Variants in NCOA1 observed in about 807,000 individuals in gnomAD.
The protein encoded by NCOA1 is nuclear receptor coactivator 1, also known as Hin-2 protein.
NCOA1 carries 35 observed loss-of-function variants against 150.9 expected under a neutral mutation model. The ratio of observed to expected loss-of-function variants is 0.23; its 90% CI spans 0.18 to 0.31. NCOA1 has a LOEUF of 0.31. NCOA1 is among the 10% of genes least tolerant of loss of function. The pLI, the probability that NCOA1 is intolerant of heterozygous loss-of-function variation, is 1.00. For missense variants in NCOA1, 1,491 were observed against 1,749.3 expected (o/e 0.85, Z 2.63); for synonymous variants, 590 against 630.0 (o/e 0.94, Z 0.95).
chr2:24,573,655 A>G (rs1666829689), intron 2 of NCOA1, among the ~76,000 whole-genome samples: 3 of 152,140 alleles, frequency 2.0e-5, no homozygotes, highest in Admixed American at 2.0e-4. Flanking sequence ...TAAAAAATCA[A>G]TTTTAGATTA....
At chr2:24,725,001 C>G (rs937441167) in intron 14 of NCOA1, among the ~76,000 whole-genome samples, 5 of 151,916 alleles carry the variant, frequency 3.3e-5, no homozygotes, top group Non-Finnish European at 7.4e-5. Context: ...TAATCGAAAG[C>G]TGTAATTATA....
chr2:24,566,243 C>T (rs144828814), intron 2 of NCOA1, among the ~76,000 whole-genome samples: 97 of 152,208 alleles, frequency 6.4e-4, no homozygotes, highest in African/African-American at 2.3e-3. Context: ...CAGGGTGTCC[C>T]GATGAGTGCT....
chr2:24,538,295 A>C (rs996133883), intron 1 of NCOA1, among the ~76,000 whole-genome samples: 1 of 152,226 alleles, frequency 6.6e-6, no homozygotes, highest in African/African-American at 2.4e-5. Flanking sequence ...ATGCTCATAG[A>C]CTAAAATTGA....
chr2:24,521,976 C>A (rs1664434314), intron 1 of NCOA1, among the ~76,000 whole-genome samples: 1 of 152,210 alleles, frequency 6.6e-6, no homozygotes, highest in African/African-American at 2.4e-5. Flanking sequence ...ACTCCAATCC[C>A]CTTCCTTCCC....
chr2:24,647,528 TATTC>T (rs1197627079), intron 4 of NCOA1, among the ~76,000 whole-genome samples: 2 of 152,214 alleles, frequency 1.3e-5, no homozygotes, highest in Non-Finnish European at 2.9e-5. Context: ...TAAGTGTTAG[TATTC>T]ATTATCATCA....
chr2:24,546,242 C>T (rs1425727870), intron 1 of NCOA1, among the ~76,000 whole-genome samples: 1 of 151,334 alleles, frequency 6.6e-6, no homozygotes, highest in African/African-American at 2.4e-5. Context: ...GCAAAAAATC[C>T]ACATCAGATA....
chr2:24,670,656 A>G (rs964655054), intron 6 of NCOA1, among the ~76,000 whole-genome samples: 2 of 152,192 alleles, frequency 1.3e-5, no homozygotes, highest in African/African-American at 4.8e-5. Flanking sequence ...AAATTGGTAG[A>G]TGCCTCAGAC....
chr2:24,665,523 T>C (rs965770122), intron 5 of NCOA1, among the ~76,000 whole-genome samples: 3 of 152,222 alleles, frequency 2.0e-5, no homozygotes, highest in African/African-American at 7.2e-5. Context: ...AATACATCTG[T>C]TATAGCAGTC....
At chr2:24,495,939 A>G (rs1018705621) in intron 1 of NCOA1, among the ~76,000 whole-genome samples, 1 of 152,216 alleles carries the variant, frequency 6.6e-6, no homozygotes, top group Admixed American at 6.5e-5. Flanking sequence ...TCATTAGCGA[A>G]TTCATCACCA....
chr2:24,540,459 G>A (rs1665339762), intron 1 of NCOA1, among the ~76,000 whole-genome samples: 1 of 148,316 alleles, frequency 6.7e-6, no homozygotes, highest in African/African-American at 2.5e-5. Context: ...GGGAGAACTG[G>A]CTTTTTTTTT....
At chr2:24,530,401 A>G (rs1325307880) in intron 1 of NCOA1, among the ~76,000 whole-genome samples, 1 of 152,234 alleles carries the variant, frequency 6.6e-6, no homozygotes, top group Non-Finnish European at 1.5e-5. Flanking sequence ...TGATGAGTGG[A>G]AAAACCTATT....
chr2:24,769,836 C>T lies in NCOA1; in HGVS notation c.*1445C>T, dbSNP rs1446244829. The stretch of plus-strand genomic sequence containing the variant: ...TATTGTGGAAGAAGCAAAGGTAGAC[C>T]CCCATCACTCACCTTTGTCTGCATC... On this transcript the variant is annotated 3_prime_UTR_variant, in exon 23 of 23. Transcript: ENST00000348332. 1 of 223,506 alleles carries T rather than the reference C, an allele frequency of 4.5e-6. No individual in the cohort carries two copies. The highest frequency in any genetic ancestry group is 2.2e-5 in the African/African-American group (1 of 44,742). 13.8% of individuals were successfully genotyped at this position (223,506 alleles called of 1,614,324 possible). A position where few individuals can be genotyped will look rare whatever the true frequency, so the allele number is the denominator to read the frequency against.
chr2:24,576,174 T>TTGTTTTTGTTTTTG (rs1558806632), intron 2 of NCOA1, among the ~76,000 whole-genome samples: 4 of 41,488 alleles, frequency 9.6e-5, no homozygotes, highest in African/African-American at 2.3e-4. Flanking sequence ...TTTTTTGTTT[T>TTGTTTTTGTTTTTG]TTTTTTTTTT....
chr2:24,628,595 TAAATA>T (rs1352283103), intron 3 of NCOA1, among the ~76,000 whole-genome samples: 2 of 152,148 alleles, frequency 1.3e-5, no homozygotes, highest in African/African-American at 4.8e-5. Context: ...AACAAATATG[TAAATA>T]AAATAGTGGA....
intron 3 of NCOA1, among the ~76,000 whole-genome samples, chr2:24,627,121 G>GTTTTTTTTTTTTTTTTT (rs33949925): frequency 8.7e-6 from 1 of 115,160 alleles, no homozygotes; most frequent in Admixed American, 9.4e-5. Context: ...GTTTTTTGCT[G>GTTTTTTTTTTTTTTTTT]TTTTTTTTTT....
At chr2:24,674,117 G>T (rs1558893441) in intron 7 of NCOA1, among the ~76,000 whole-genome samples, 2 of 89,388 alleles carry the variant, frequency 2.2e-5, no homozygotes, top group South Asian at 8.7e-4. Flanking sequence ...AAAGACATAT[G>T]TATGTATGTG....
At chr2:24,662,161 A>G (rs1671213311) in intron 5 of NCOA1, among the ~76,000 whole-genome samples, 2 of 152,184 alleles carry the variant, frequency 1.3e-5, no homozygotes, top group South Asian at 4.1e-4. Context: ...GAATTCTTTA[A>G]TCATAAAGAG....
intron 3 of NCOA1, among the ~76,000 whole-genome samples, chr2:24,641,942 T>C (rs925201760): frequency 7.9e-5 from 12 of 152,062 alleles, no homozygotes; most frequent in Non-Finnish European, 1.8e-4. Flanking sequence ...TAATACTATT[T>C]CTGCCCCAGT....
intron 3 of NCOA1, among the ~76,000 whole-genome samples, chr2:24,620,877 C>T (rs1359663687): frequency 6.6e-6 from 1 of 151,974 alleles, no homozygotes; most frequent in African/African-American, 2.4e-5. Flanking sequence ...TATGCAGGAC[C>T]TTTCTATGCT....
Sources: gnomAD v4.1 joint callset for allele counts (sites outside exome capture counted in the v4.1 genomes callset) on GRCh38, gnomAD v4.1.1 for gene constraint, MANE v1.5 for transcripts, NCBI Gene and HGNC (gene_info 2026-07-23, HGNC 2026-07-21) for gene names.